The following SNTG1 variants were observed in gnomAD, a reference collection of about 807,000 sequenced individuals.
The protein encoded by SNTG1 is gamma-1-syntrophin.
In SNTG1, 39 loss-of-function variants were observed where a neutral mutation model predicts 74.7. The ratio of observed to expected loss-of-function variants is 0.52; its 90% confidence interval spans 0.40 to 0.68. The LOEUF (loss-of-function observed/expected upper bound fraction) is 0.68, where lower values mean the gene tolerates loss of function less well. Among genes scored for constraint, SNTG1 ranks in the 30% least tolerant of loss-of-function variants. The pLI is 0.00. For missense variants in SNTG1, 685 were observed against 609.5 expected, an observed-to-expected ratio of 1.12 and a Z score of -1.30; for synonymous variants, 254 against 217.1, an observed-to-expected ratio of 1.17 and a Z score of -1.49.
At chr8:50,346,861 C>G (rs188405097) in intron 2 of SNTG1, among the ~76,000 whole-genome samples, 12 of 152,338 alleles carry the variant, frequency 7.9e-5, no homozygotes, top group African/African-American at 2.4e-4. Context: ...GAAGGTATGG[C>G]TGAAGGCCGA....
chr8:50,028,299 T>G (rs2130733117), intron 1 of SNTG1, among the ~76,000 whole-genome samples: 1 of 152,284 alleles, frequency 6.6e-6, no homozygotes, highest in Non-Finnish European at 1.5e-5. Flanking sequence ...ATTCAGTTTG[T>G]TTTTATTTTT....
chr8:50,075,757 A>T (rs1821811505), intron 1 of SNTG1, among the ~76,000 whole-genome samples: 1 of 152,152 alleles, frequency 6.6e-6, no homozygotes, highest in South Asian at 2.1e-4. Context: ...CAGCAAGACC[A>T]CGAACCCCCT....
intron 2 of SNTG1, among the ~76,000 whole-genome samples, chr8:50,257,318 A>G (rs957422135): frequency 6.6e-6 from 1 of 152,182 alleles, no homozygotes; most frequent in African/African-American, 2.4e-5. Flanking sequence ...AAAACTAAAA[A>G]GGACAAATGC....
intron 3 of SNTG1, among the ~76,000 whole-genome samples, chr8:50,397,930 C>T (rs909710538): frequency 2.0e-5 from 3 of 152,176 alleles, no homozygotes; most frequent in Non-Finnish European, 2.9e-5. Flanking sequence ...CTTCTTGTCA[C>T]ACAGTGAGCA....
chr8:49,924,444 A>G (rs961241880), intron 1 of SNTG1, among the ~76,000 whole-genome samples: 1 of 152,176 alleles, frequency 6.6e-6, no homozygotes, highest in African/African-American at 2.4e-5. Flanking sequence ...ATGCCACCTC[A>G]GTATGCAGAA....
rs537160575 is a variant in SNTG1 at position 50,127,616 on chromosome 8, G to C, written c.-102-44945G>C. Among the ~76,000 whole-genome samples the C allele has an allele frequency of 7.2e-5, 11 of 152,212 alleles. No individual in the cohort carries two copies. The South Asian group carries it at 2.3e-3, about 32-fold the overall frequency. ...AGGGAAGCCTCCTGGTCTAGACCGG[G>C]TTTGCACAGATAGAAACATTCAAGA... On this transcript the variant is annotated intron_variant, in intron 1 of 18. Coordinates refer to ENST00000642720, the MANE Select transcript of SNTG1 (RefSeq NM_018967.5).
intron 1 of SNTG1, among the ~76,000 whole-genome samples, chr8:50,036,914 A>T (rs1245207964): frequency 6.6e-6 from 1 of 152,228 alleles, no homozygotes; most frequent in East Asian, 1.9e-4. Context: ...AATATACAAG[A>T]CCTTATGTAA....
At chr8:50,759,928 C>A (rs2095593089) in intron 18 of SNTG1, among the ~76,000 whole-genome samples, 1 of 152,042 alleles carries the variant, frequency 6.6e-6, no homozygotes, top group Admixed American at 6.6e-5. Flanking sequence ...CTATAAATTA[C>A]TTTGGGCATG....
chr8:50,051,848 G>A (rs1250743173), intron 1 of SNTG1, among the ~76,000 whole-genome samples: 4 of 151,936 alleles, frequency 2.6e-5, no homozygotes, highest in African/African-American at 9.7e-5. Flanking sequence ...TACTTTTTTG[G>A]GGGCAGACAT....
intron 2 of SNTG1, among the ~76,000 whole-genome samples, chr8:50,357,371 C>T (rs1175353278): frequency 6.6e-6 from 1 of 152,234 alleles, no homozygotes; most frequent in African/African-American, 2.4e-5. Context: ...CAGGTTTACA[C>T]ATTGTTTCTG....
intron 1 of SNTG1, among the ~76,000 whole-genome samples, chr8:50,082,225 GCTGC>G (rs1822477092): frequency 6.6e-6 from 1 of 151,984 alleles, no homozygotes; most frequent in Admixed American, 6.6e-5. Context: ...ATTTATAATA[GCTGC>G]CTTGAAGTCT....
intron 18 of SNTG1, among the ~76,000 whole-genome samples, chr8:50,768,709 C>T (rs1346720783): frequency 2.6e-5 from 4 of 152,010 alleles, no homozygotes; most frequent in Non-Finnish European, 5.9e-5. Context: ...AAAGCACTGG[C>T]TGTTTAGACT....
chr8:50,366,952 T>A (rs906541303), intron 2 of SNTG1, among the ~76,000 whole-genome samples: 2 of 148,124 alleles, frequency 1.4e-5, no homozygotes, highest in African/African-American at 4.9e-5. Flanking sequence ...TAGTATACTA[T>A]AAGGACGCAA....
At chr8:50,056,184 C>T (rs1820008645) in intron 1 of SNTG1, among the ~76,000 whole-genome samples, 1 of 152,074 alleles carries the variant, frequency 6.6e-6, no homozygotes, top group Admixed American at 6.6e-5. Context: ...TCTAAGGATT[C>T]TCTGTTCTTG....
chr8:50,440,177 A>G (rs1392795144), intron 5 of SNTG1, among the ~76,000 whole-genome samples: 2 of 151,878 alleles, frequency 1.3e-5, no homozygotes, highest in Non-Finnish European at 2.9e-5. Context: ...TATTTGAGCT[A>G]TGATCAATAT....
At chr8:50,045,684 T>TA (rs1384923015) in intron 1 of SNTG1, among the ~76,000 whole-genome samples, 1 of 152,190 alleles carries the variant, frequency 6.6e-6, no homozygotes, top group Admixed American at 6.5e-5. Context: ...TAAACCAACA[T>TA]ACCCCACAAA....
chr8:50,366,124 G>C (rs1165014031), intron 2 of SNTG1, among the ~76,000 whole-genome samples: 3 of 152,110 alleles, frequency 2.0e-5, no homozygotes, highest in African/African-American at 7.2e-5. Flanking sequence ...ATGAGAACTA[G>C]AGTCCATCCA....
chr8:49,964,091 G>A (rs1279437937), intron 1 of SNTG1, among the ~76,000 whole-genome samples: 2 of 152,136 alleles, frequency 1.3e-5, no homozygotes, highest in Non-Finnish European at 2.9e-5. Flanking sequence ...AACTTGTCTA[G>A]GCCACAGTAC....
intron 2 of SNTG1, among the ~76,000 whole-genome samples, chr8:50,326,607 C>G (rs2090760372): frequency 6.6e-6 from 1 of 150,986 alleles, no homozygotes; most frequent in South Asian, 2.1e-4. Flanking sequence ...GTTAGCCTAG[C>G]TACTGTTTTA....
Sources: gnomAD v4.1 joint callset for allele counts (sites outside exome capture counted in the v4.1 genomes callset) on GRCh38, gnomAD v4.1.1 for gene constraint, MANE v1.5 for transcripts, NCBI Gene and HGNC (gene_info 2026-07-23, HGNC 2026-07-21) for gene names.